TMPRSS11E: variants seen among roughly 807,000 people sequenced by gnomAD.
The protein encoded by TMPRSS11E is transmembrane protease serine 11E.
A neutral mutation model predicts 48.1 loss-of-function variants in TMPRSS11E; 38 were observed. The ratio of observed to expected loss-of-function variants is 0.79; its 90% CI spans 0.61 to 1.04. TMPRSS11E has a LOEUF of 1.04. TMPRSS11E is among the 50% of genes least tolerant of loss of function. The pLI is 0.00. For missense variants in TMPRSS11E, 530 were observed against 510.8 expected (o/e 1.04, Z -0.36); for synonymous variants, 158 against 171.9 (o/e 0.92, Z 0.63).
chr4:68,482,946 A>G (rs2708695), intron 9 of TMPRSS11E, among the ~76,000 whole-genome samples: 50,702 of 151,980 alleles, frequency 0.33, 8,738 homozygotes, highest in Non-Finnish European at 0.37. Flanking sequence ...AGCCTTCAAA[A>G]TTCTTCCATT....
chr4:68,479,489 A>G (rs1289894703), intron 9 of TMPRSS11E, among the ~76,000 whole-genome samples: 1 of 149,496 alleles, frequency 6.7e-6, no homozygotes, highest in Non-Finnish European at 1.5e-5. Context: ...GTGTATATAA[A>G]TATATATTTA....
chr4:68,447,484 T>G lies in TMPRSS11E; in HGVS notation c.-29T>G. On this transcript the variant is annotated 5_prime_UTR_variant, in exon 1 of 10. Coordinates refer to ENST00000305363, the MANE Select transcript of TMPRSS11E (RefSeq NM_014058.4). ...ACACACTTGGATGTAGACCTCGACC[T>G]TCACAGGACTCTTCATTGCTGGTTG... 1.2e-6 allele frequency: 2 copies of G among 1,606,590 alleles called. No homozygotes were observed. The highest frequency in any genetic ancestry group is 1.7e-6 in the Non-Finnish European group (2 of 1,176,352).
intron 9 of TMPRSS11E, among the ~76,000 whole-genome samples, chr4:68,489,941 C>T (rs1355182202): frequency 3.3e-5 from 5 of 152,156 alleles, no homozygotes; most frequent in African/African-American, 9.7e-5. Context: ...CATGCCAAAC[C>T]CTGTGGACTC....
At chr4:68,495,970 CA>C (rs1224244568) in intron 9 of TMPRSS11E, among the ~76,000 whole-genome samples, 3 of 152,116 alleles carry the variant, frequency 2.0e-5, no homozygotes, top group African/African-American at 7.2e-5. Flanking sequence ...CTCATTATTA[CA>C]AGCCATATAA....
At chr4:68,475,407 A>G (rs1483201098) in intron 6 of TMPRSS11E, among the ~76,000 whole-genome samples, 1 of 152,130 alleles carries the variant, frequency 6.6e-6, no homozygotes, top group Non-Finnish European at 1.5e-5. Context: ...ATTTCTCTTA[A>G]AAGGTGGAAA....
At chr4:68,473,977 T>C (rs1729143534) in intron 5 of TMPRSS11E, among the ~76,000 whole-genome samples, 1 of 151,970 alleles carries the variant, frequency 6.6e-6, no homozygotes, top group South Asian at 2.1e-4. Context: ...ACACTAATAA[T>C]ATTTTTGCAT....
At chr4:68,483,983 A>C (rs959928588) in intron 9 of TMPRSS11E, among the ~76,000 whole-genome samples, 1 of 152,164 alleles carries the variant, frequency 6.6e-6, no homozygotes, top group Non-Finnish European at 1.5e-5. Context: ...ATTTGGTTCC[A>C]TTGATCTATG....
At chr4:68,485,757 T>C (rs753632909) in intron 9 of TMPRSS11E, among the ~76,000 whole-genome samples, 4 of 152,188 alleles carry the variant, frequency 2.6e-5, no homozygotes, top group Non-Finnish European at 4.4e-5. Context: ...TGGTAGAATT[T>C]GGCTGTGAAT....
intron 6 of TMPRSS11E, 107 bp from the exon 7 acceptor site, chr4:68,476,154 T>C: frequency 6.9e-7 from 1 of 1,447,996 alleles, no homozygotes; most frequent in South Asian, 1.2e-5. Context: ...TTTGATACTT[T>C]TGGAGCACAA....
At chr4:68,492,519 C>A (rs1255102859) in intron 9 of TMPRSS11E, among the ~76,000 whole-genome samples, 1 of 152,134 alleles carries the variant, frequency 6.6e-6, no homozygotes. Flanking sequence ...TTAAAATAGT[C>A]CCCAACTGTA....
intron 9 of TMPRSS11E, among the ~76,000 whole-genome samples, chr4:68,492,497 C>T (rs529058895): frequency 1.1e-4 from 17 of 152,168 alleles, no homozygotes; most frequent in African/African-American, 2.4e-4. Context: ...TCTTTGCTGG[C>T]GATTTTGCTG....
At position 68,459,841 on chromosome 4, in the gene TMPRSS11E, T is replaced by C. The variant is rs1364473211; in HGVS notation, c.12-1980T>C. 2.0e-5 allele frequency among the ~76,000 whole-genome samples: 3 copies of C among 152,244 alleles called. No homozygotes were observed. In the East Asian group the frequency reaches 5.8e-4, roughly 29 times the overall value. On this transcript the variant is annotated intron_variant, in intron 1 of 9. Transcript: ENST00000305363. ...CCCTGTATTCCCCCCAAAGTTTTGC[T>C]TACGTGTGTTATACCCATCTCCTTT... is the stretch of plus-strand genomic sequence containing the variant.
In TMPRSS11E at chr4:68,467,370, G is replaced by A. The variant is rs139111760; in HGVS notation, c.258+618G>A. 3.0e-4 allele frequency among the ~76,000 whole-genome samples: 45 copies of A among 152,140 alleles called. 1 individual carries two copies. The East Asian group carries it at 8.1e-3, about 27-fold the overall frequency. ...AAGAAACTGGAAAAATTAGCAGCAT[G>A]GGCCAAAAGAACAAGGGCCTAAGTG... On this transcript the variant is annotated intron_variant, in intron 3 of 9. Coordinates refer to ENST00000305363, the MANE Select transcript of TMPRSS11E (RefSeq NM_014058.4).
At chr4:68,478,242 G>A (rs2708690) in intron 8 of TMPRSS11E, among the ~76,000 whole-genome samples, 16,261 of 143,924 alleles carry the variant, frequency 0.11, 1,007 homozygotes, top group Middle Eastern at 0.15. Context: ...TGCAACCTCT[G>A]CCTCACAGGT....
chr4:68,482,273 C>T (rs190924238), intron 9 of TMPRSS11E, among the ~76,000 whole-genome samples: 17 of 152,180 alleles, frequency 1.1e-4, no homozygotes, highest in African/African-American at 3.4e-4. Context: ...CTGAACACCT[C>T]CCACCAGGTC....
In TMPRSS11E at chr4:68,482,727, G is replaced by A. The variant is rs569698832; in HGVS notation, c.1110+3736G>A. On this transcript the variant is annotated intron_variant, in intron 9 of 9. Transcript: ENST00000305363. ...GTTTAGGCTGCATTGAGCTGTGATC[G>A]CACCACTGCAGTCCAGCTTGGGTGA... Among the ~76,000 whole-genome samples the A allele has an allele frequency of 2.0e-3, 297 of 151,494 alleles. 1 individual carries two copies. Among genetic ancestry groups the A allele is most frequent in the African/African-American group, 6.9e-3 (284 of 41,266 alleles).
intron 1 of TMPRSS11E, among the ~76,000 whole-genome samples, chr4:68,460,434 C>T (rs1728756962): frequency 6.6e-6 from 1 of 152,108 alleles, no homozygotes; most frequent in Non-Finnish European, 1.5e-5. Flanking sequence ...ATGGTTATCC[C>T]GCCCCTTACT....
intron 2 of TMPRSS11E, among the ~76,000 whole-genome samples, chr4:68,466,122 C>T (rs987716751): frequency 6.6e-6 from 1 of 152,164 alleles, no homozygotes. Flanking sequence ...TTTACTGAAT[C>T]CCTTGCATTT....
chr4:68,464,452 T>C (rs572369348), intron 2 of TMPRSS11E, among the ~76,000 whole-genome samples: 29 of 152,338 alleles, frequency 1.9e-4, no homozygotes, highest in African/African-American at 6.7e-4. Context: ...GCAACATCAC[T>C]GCAGATTATA....
Sources: gnomAD v4.1 joint callset for allele counts (sites outside exome capture counted in the v4.1 genomes callset) on GRCh38, gnomAD v4.1.1 for gene constraint, MANE v1.5 for transcripts, NCBI Gene and HGNC (gene_info 2026-07-23, HGNC 2026-07-21) for gene names.